The following ART5 variants were observed in gnomAD, a reference collection of about 807,000 sequenced individuals.
ART5 encodes the protein ADP-ribosyltransferase 5, also known as ecto-ADP-ribosyltransferase 5.
A neutral mutation model predicts 25.0 loss-of-function variants in ART5; 22 were observed. The ratio of observed to expected loss-of-function variants is 0.88; its 90% CI spans 0.63 to 1.26. ART5 has a LOEUF of 1.26. Ranked by LOEUF, ART5 falls within the 50% of genes most tolerant of loss-of-function variation. The probability of loss-of-function intolerance (pLI) is 0.00; values close to 1 mark genes in which losing one functional copy is unlikely to be tolerated. For missense variants in ART5, 402 were observed against 372.8 expected (o/e 1.08, Z -0.64); for synonymous variants, 161 against 154.8 (o/e 1.04, Z -0.30).
chr11:3,638,643 C>T lies in ART5; in HGVS notation c.*95G>A. ...GTCCCAGGAAGTCCCCATCACATAG[C>T]AGAGTTCCCTCAGCCCTGCTGTGGC... is the stretch of plus-strand genomic sequence containing the variant. On this transcript the variant is annotated 3_prime_UTR_variant, in exon 4 of 4. Coordinates refer to ENST00000397068, the MANE Select transcript of ART5 (RefSeq NM_053017.5). 6.7e-7 allele frequency: 1 copy of T among 1,487,610 alleles called. No individual in the cohort carries two copies. The highest frequency in any genetic ancestry group is 9.4e-7 in the Non-Finnish European group (1 of 1,068,336). 92.2% of individuals were successfully genotyped at this position (1,487,610 alleles called of 1,614,324 possible).
At position 3,641,870 on chromosome 11, in the gene ART5, GGAGACGT is replaced by G; in HGVS notation, c.-15_-9del. 6.4e-7 allele frequency: 1 copy of G among 1,567,802 alleles called. No individual in the cohort carries two copies. Among genetic ancestry groups the G allele is most frequent in the Non-Finnish European group, 8.6e-7 (1 of 1,156,818 alleles). On this transcript the variant is annotated 5_prime_UTR_variant, in exon 1 of 4. Coordinates refer to ENST00000397068, the MANE Select transcript of ART5 (RefSeq NM_053017.5). ...CAAAGCCGCCAGCGCCATCCCTGGA[GGAGACGT>G]GAGGGCCAGGGGTCCGGGTGAGGGC...
rs1240398525 is a variant in ART5 at position 3,639,917 on chromosome 11, C to T, written c.512G>A (p.Arg171Lys). 6.2e-7 allele frequency: 1 copy of T among 1,614,098 alleles called. No homozygotes were observed. The highest frequency in any genetic ancestry group is 1.3e-5 in the African/African-American group (1 of 74,950). Reference sequence around the variant, plus strand: ...GCCCAAGCGGACAGAGTCTCCCAGCCTCTTGGGTTCAAAGCGAAGGCTGCC... The same window carrying T: ...GCCCAAGCGGACAGAGTCTCCCAGCTTCTTGGGTTCAAAGCGAAGGCTGCC... ...GVGSLRFEPKRLGDSVRLGQF... is the reference protein window; with the variant it reads ...GVGSLRFEPKKLGDSVRLGQF... Residue 171 changes from arginine (R) to lysine (K), a missense_variant, in exon 2 of 4, where the codon AGG becomes AAG. By Grantham distance (26) the Arg-to-Lys change is conservative. Transcript: ENST00000397068.
Position 3,638,745 on chromosome 11 carries a change from T to C in ART5, c.869A>G (p.Gln290Arg). The change falls in exon 4 of 4, where the codon CAG becomes CGG. Residue 290 changes from glutamine (Q) to arginine (R), a missense_variant. Coordinates refer to ENST00000397068, the MANE Select transcript of ART5 (RefSeq NM_053017.5). ...GAACCATGTTCTTGCTTCTCAAGGC[T>C]GCTGGAGGTGCCTCTTCGTCATATG... ...DLHMTKRHLQ[Q>R]P The C allele has an allele frequency of 6.2e-7, 1 of 1,614,194 alleles. No homozygotes were observed. The highest frequency in any genetic ancestry group is 2.2e-5 in the East Asian group (1 of 44,868).
Position 3,638,648 on chromosome 11 carries a change from T to C in ART5, c.*90A>G, listed in dbSNP as rs2077346868. The C allele has an allele frequency of 6.0e-6, 9 of 1,507,978 alleles. No individual in the cohort carries two copies. The highest frequency in any genetic ancestry group is 9.2e-7 in the Non-Finnish European group (1 of 1,086,506). The allele number at this position is 1,507,978 out of a possible 1,614,324, so 93.4% of individuals were successfully genotyped here. A position where few individuals can be genotyped will look rare whatever the true frequency, so the allele number is the denominator to read the frequency against. ...AGGAAGTCCCCATCACATAGCAGAG[T>C]TCCCTCAGCCCTGCTGTGGCCTCCC... On this transcript the variant is annotated 3_prime_UTR_variant, in exon 4 of 4. Transcript: ENST00000397068.
chr11:3,640,328 G>C lies in ART5; in HGVS notation c.101C>G (p.Thr34Ser). 1 of 1,599,406 alleles carries C rather than the reference G, an allele frequency of 6.3e-7. No individual in the cohort carries two copies. The highest frequency in any genetic ancestry group is 1.4e-5 in the African/African-American group (1 of 70,626). The part of the protein sequence containing the change: ...PILPLGLAPD[T>S]FDDTYVGCAE... ...ACAACCCACATAGGTATCGTCAAAG[G>C]TGTCTGGAGCCAGGCCCAGGGGCAG... The change falls in exon 2 of 4, where the codon ACC becomes AGC. Residue 34 changes from threonine (T) to serine (S), a missense_variant. Coordinates refer to ENST00000397068, the MANE Select transcript of ART5 (RefSeq NM_053017.5).
chr11:3,642,174 C>G (rs1400738668), upstream of ART5: 21 of 1,223,798 alleles, frequency 1.7e-5, no homozygotes, highest in East Asian at 5.3e-4. Flanking sequence ...GGCGGAGGAC[C>G]CACTTGAAGG....
Position 3,640,252 on chromosome 11 carries a change from G to A in ART5, c.177C>T (p.Ala59=). The A allele has an allele frequency of 1.2e-6, 2 of 1,613,740 alleles. No homozygotes were observed. Among genetic ancestry groups the A allele is most frequent in the Non-Finnish European group, 1.7e-6 (2 of 1,180,044 alleles). ...AGGATTCCCGCAGCAGGGCATGGTG[G>A]GCCATTTCCTCCTTTAGCAGGGGGG... ...KAAPLLKEEM[A]HHALLRESWE... Residue 59 remains alanine, a synonymous_variant, in exon 2 of 4, where the codon GCC becomes GCT. Coordinates refer to ENST00000397068, the MANE Select transcript of ART5 (RefSeq NM_053017.5).
At chr11:3,639,492 T>A in intron 2 of ART5, 150 bp downstream of exon 2, 1 of 1,177,810 alleles carries the variant, frequency 8.5e-7, no homozygotes. Flanking sequence ...AAAACCTGAG[T>A]CACAGAGGAC....
chr11:3,642,237 C>G, upstream of ART5: 6 of 1,137,634 alleles, frequency 5.3e-6, no homozygotes, highest in Non-Finnish European at 6.5e-6. Context: ...GGGCGCTGCG[C>G]TGTCCCCGGA....
In ART5 at chr11:3,641,850, C is replaced by G; in HGVS notation, c.13G>C (p.Ala5Pro). MALA[A>P]LMIALGSLGL... ...AGGCTGCCGAGGGCGATCATCAAAG[C>G]CGCCAGCGCCATCCCTGGAGGAGAC... The change falls in exon 1 of 4, where the codon GCT becomes CCT. Residue 5 changes from alanine to proline, a missense_variant. Physicochemically the swap from Ala to Pro is conservative, Grantham distance 27. Coordinates refer to ENST00000397068, the MANE Select transcript of ART5 (RefSeq NM_053017.5). 1 of 1,574,760 alleles carries G rather than the reference C, an allele frequency of 6.4e-7. No homozygotes were observed.
chr11:3,640,126 G>A lies in ART5; in HGVS notation c.303C>T (p.Asn101=). 6.2e-7 allele frequency: 1 copy of A among 1,614,220 alleles called. No individual in the cohort carries two copies. Among genetic ancestry groups the A allele is most frequent in the Non-Finnish European group, 8.5e-7 (1 of 1,180,058 alleles). Residue 101 remains asparagine (N), a synonymous_variant, in exon 2 of 4, where the codon AAC becomes AAT. Transcript: ENST00000397068. ...QNGIAIMVYT[N]SSNTLYWELN... ...ACTCCCAGTACAAGGTGTTCGATGA[G>A]TTGGTGTAGACCATAATGGCTATTC... is the stretch of plus-strand genomic sequence containing the variant.
Position 3,641,929 on chromosome 11 carries a change from T to G in ART5, c.-67A>C. The stretch of plus-strand genomic sequence containing the variant: ...GGACCAGAGGTGCTGGAGTCCTGGT[T>G]TCGAGGGGCTGGAGGCAGATCTGGA... On this transcript the variant is annotated 5_prime_UTR_variant, in exon 1 of 4. Coordinates refer to ENST00000397068, the MANE Select transcript of ART5 (RefSeq NM_053017.5). 1 of 1,538,694 alleles carries G rather than the reference T, an allele frequency of 6.5e-7. No individual in the cohort carries two copies. Among genetic ancestry groups the G allele is most frequent in the Non-Finnish European group, 8.7e-7 (1 of 1,145,166 alleles).
chr11:3,642,237 C>T (rs2077415711), upstream of ART5: 1 of 1,137,632 alleles, frequency 8.8e-7, no homozygotes, highest in Non-Finnish European at 1.1e-6. Context: ...GGGCGCTGCG[C>T]TGTCCCCGGA....
In ART5 at chr11:3,640,213, C is replaced by A. The variant is rs747339697; in HGVS notation, c.216G>T (p.Gln72His). 6.2e-7 allele frequency: 1 copy of A among 1,613,798 alleles called. No individual in the cohort carries two copies. Among genetic ancestry groups the A allele is most frequent in the Non-Finnish European group, 8.5e-7 (1 of 1,180,040 alleles). ...ALLRESWEAA[Q>H]ETWEDKRRGL... ...CTCGACGCTTGTCCTCCCAGGTCTC[C>A]TGGGCTGCCTCCCAGGATTCCCGCA... The change falls in exon 2 of 4, where the codon CAG (glutamine) becomes CAT (histidine). Residue 72 changes from glutamine (Q) to histidine (H), a missense_variant. Gln to His is a conservative substitution (Grantham distance 24). Transcript: ENST00000397068.
Position 3,640,068 on chromosome 11 carries a change from G to A in ART5, c.361C>T (p.Arg121Trp), listed in dbSNP as rs773506388. The A allele has an allele frequency of 2.5e-5, 41 of 1,614,038 alleles. No homozygotes were observed. The highest frequency in any genetic ancestry group is 1.3e-4 in the Admixed American group (8 of 60,010). Reference sequence around the variant, plus strand: ...GGAAAGTGCCTCATGTAGAGCTCCCGGGAGCCTCCGCCCGTCCGCACGGCC... The same window carrying A: ...GGAAAGTGCCTCATGTAGAGCTCCCAGGAGCCTCCGCCCGTCCGCACGGCC... ...NQAVRTGGGSRELYMRHFPFK... is the reference protein window; with the variant it reads ...NQAVRTGGGSWELYMRHFPFK... Residue 121 changes from arginine (R) to tryptophan (W), a missense_variant, in exon 2 of 4, where the codon CGG (arginine) becomes TGG (tryptophan). Physicochemically the swap from Arg to Trp is moderately radical, Grantham distance 101. Transcript: ENST00000397068.
chr11:3,640,001 A>G lies in ART5; in HGVS notation c.428T>C (p.Leu143Pro), dbSNP rs767799360. ...LHFYLIRALQ[L>P]LRGSGGCSRG... is the part of the protein sequence containing the mutation. ...GCTGCAGCCCCCACTGCCTCGCAGC[A>G]GCTGCAGGGCCCGGATCAGGTAGAA... The change falls in exon 2 of 4, where the codon CTG (leucine) becomes CCG (proline). Residue 143 changes from leucine to proline, a missense_variant. By Grantham distance (98) the Leu-to-Pro change is moderately conservative. Transcript: ENST00000397068. 13 of 1,614,166 alleles carry G rather than the reference A, an allele frequency of 8.1e-6. No individual in the cohort carries two copies. In the Admixed American group the frequency reaches 2.2e-4, roughly 27 times the overall value.
chr11:3,642,195 C>T (rs753692941), upstream of ART5: 49 of 1,164,162 alleles, frequency 4.2e-5, no homozygotes, highest in Middle Eastern at 3.6e-4. Flanking sequence ...CTGCGGAAGC[C>T]GCCAGCGGGA....
rs776313535 is a variant in ART5 at position 3,639,709 on chromosome 11, G to T, written c.720C>A (p.Ala240=). ...FLVTRFSQDG[A]QSLVTLWSYN... ...AGCTCCAGAGAGTCACCAAGCTCTGGGCTCCATCCTGAGAGAATCTGGTAA... is the reference window on the plus strand; with the variant it reads ...AGCTCCAGAGAGTCACCAAGCTCTGTGCTCCATCCTGAGAGAATCTGGTAA... The change falls in exon 2 of 4, where the codon GCC becomes GCA. Residue 240 remains alanine, a synonymous_variant. Transcript: ENST00000397068. The T allele has an allele frequency of 4.3e-6, 7 of 1,614,062 alleles. No homozygotes were observed. The Admixed American group carries it at 8.3e-5, about 19-fold the overall frequency.
rs774408657 is a variant in ART5 at position 3,638,995 on chromosome 11, C to T, written c.820+8G>A. 6.4e-7 allele frequency: 1 copy of T among 1,556,414 alleles called. No individual in the cohort carries two copies. Among genetic ancestry groups the T allele is most frequent in the South Asian group, 1.2e-5 (1 of 84,712 alleles). Reference sequence around the variant, plus strand: ...AAGCAGCTGAAGGAGGATGGAAGGGCAACTCACCTGGCGCAGACACACAGC... The same window carrying T: ...AAGCAGCTGAAGGAGGATGGAAGGGTAACTCACCTGGCGCAGACACACAGC... On this transcript the variant is annotated splice_region_variant and intron_variant, in intron 3 of 3. Coordinates refer to ENST00000397068, the MANE Select transcript of ART5 (RefSeq NM_053017.5).
Sources: allele counts gnomAD v4.1 joint callset, GRCh38; gene constraint gnomAD v4.1.1; transcripts MANE v1.5; gene names NCBI Gene and HGNC (gene_info 2026-07-23, HGNC 2026-07-21).